The following CDC45 variants were observed in gnomAD, a reference collection of about 807,000 sequenced individuals.
CDC45 encodes the protein cell division control protein 45 homolog.
Under a neutral mutation model 77.8 loss-of-function variants are expected in CDC45, and 54 were observed. That is an observed-to-expected ratio of 0.69 (90% CI 0.56 to 0.87). The LOEUF (loss-of-function observed/expected upper bound fraction) is 0.87. CDC45 is among the 40% of genes least tolerant of loss of function. CDC45 has a pLI of 0.00. For missense variants in CDC45, 649 were observed against 721.6 expected (o/e 0.90, Z 1.15); for synonymous variants, 260 against 272.1 (o/e 0.96, Z 0.44).
upstream of CDC45, chr22:19,479,673 G>A (rs981466541): frequency 4.4e-6 from 3 of 685,728 alleles, no homozygotes; most frequent in African/African-American, 5.3e-5. Flanking sequence ...TGTCCGCCCA[G>A]CGTCGCTTTT....
At position 19,483,967 on chromosome 22, in the gene CDC45, G is replaced by T; in HGVS notation, c.448G>T (p.Gly150Trp). 2 of 1,612,772 alleles carry T rather than the reference G, an allele frequency of 1.2e-6. No homozygotes were observed. The highest frequency in any genetic ancestry group is 1.7e-6 in the Non-Finnish European group (2 of 1,179,752). ...DEEHSGNDSD[G>W]SEPSEKRTRL... ...AGAGCATTCAGGAAATGACAGTGAT[G>T]GGTCAGAGCCTTCTGAGAAGCGCAC... Residue 150 changes from glycine (G) to tryptophan (W), a missense_variant, in exon 5 of 19, where the codon GGG becomes TGG. Coordinates refer to ENST00000263201, the MANE Select transcript of CDC45 (RefSeq NM_003504.5).
chr22:19,480,245 G>A, intron 2 of CDC45, 28 bp downstream of exon 2: 1 of 1,608,400 alleles, frequency 6.2e-7, no homozygotes, highest in Admixed American at 1.7e-5. Context: ...TAGGAGGGCG[G>A]GGCCGGCGCG....
At chr22:19,496,119 C>A in intron 7 of CDC45, 90 bp downstream of exon 7, 1 of 914,256 alleles carries the variant, frequency 1.1e-6, no homozygotes, top group Non-Finnish European at 1.8e-6. Context: ...ATTTTAGAGC[C>A]ACAAAAGCCT....
intron 13 of CDC45, among the ~76,000 whole-genome samples, chr22:19,513,016 A>G (rs2146433063): frequency 6.6e-6 from 1 of 152,274 alleles, no homozygotes; most frequent in South Asian, 2.1e-4. Context: ...TCTTTTTAAC[A>G]ACCGTCACGG....
chr22:19,503,632 C>A (rs1463785935), intron 9 of CDC45, among the ~76,000 whole-genome samples: 3 of 152,204 alleles, frequency 2.0e-5, no homozygotes, highest in Non-Finnish European at 4.4e-5. Flanking sequence ...AAACAAAAGG[C>A]CTTCCGAAAT....
At chr22:19,511,153 C>T (rs1024098483) in intron 13 of CDC45, among the ~76,000 whole-genome samples, 22 of 152,112 alleles carry the variant, frequency 1.4e-4, no homozygotes, top group Admixed American at 5.9e-4. Flanking sequence ...ACATCCTCAC[C>T]GACACTTGTT....
At chr22:19,497,910 G>T (rs1284323772) in intron 8 of CDC45, among the ~76,000 whole-genome samples, 1 of 151,932 alleles carries the variant, frequency 6.6e-6, no homozygotes, top group Non-Finnish European at 1.5e-5. Context: ...AAAAAAAATT[G>T]TCTGGGCATG....
At chr22:19,494,298 A>T in intron 5 of CDC45, 29 bp from the exon 6 acceptor site, 4 of 1,607,784 alleles carry the variant, frequency 2.5e-6, no homozygotes, top group Non-Finnish European at 3.4e-6. Context: ...CATTTGCTCC[A>T]CCTTTTGTTC....
At position 19,480,945 on chromosome 22, in the gene CDC45, C is replaced by G; in HGVS notation, c.112-8C>G. On this transcript the variant is annotated splice_region_variant and splice_polypyrimidine_tract_variant and intron_variant, in intron 2 of 18. Coordinates refer to ENST00000263201, the MANE Select transcript of CDC45 (RefSeq NM_003504.5). ...ATAAGATAGGCTTTGAAAACACTCT[C>G]TCTCCAGGCCTTGTTCCAGTGTGAC... The G allele has an allele frequency of 6.3e-7, 1 of 1,592,522 alleles. No homozygotes were observed. Among genetic ancestry groups the G allele is most frequent in the Non-Finnish European group, 8.6e-7 (1 of 1,164,610 alleles).
chr22:19,501,094 C>T (rs1016713264), intron 9 of CDC45, among the ~76,000 whole-genome samples: 4 of 152,138 alleles, frequency 2.6e-5, no homozygotes, highest in African/African-American at 7.2e-5. Context: ...ACAGAGGAAT[C>T]GCTTGAACCC....
At chr22:19,499,187 C>G (rs752578323) in intron 9 of CDC45, 36 bp downstream of exon 9, 1 of 1,610,572 alleles carries the variant, frequency 6.2e-7, no homozygotes, top group African/African-American at 1.3e-5. Context: ...AGGGTCAGCC[C>G]TGTGCTGTGG....
rs1358675864 is a variant in CDC45 at position 19,516,841 on chromosome 22, G to A, written c.1584G>A (p.Lys528=). The A allele has an allele frequency of 1.2e-6, 2 of 1,614,012 alleles. No individual in the cohort carries two copies. Among genetic ancestry groups the A allele is most frequent in the African/African-American group, 1.3e-5 (1 of 74,900 alleles). The part of the protein sequence containing the change: ...RKNFFGRAFE[K]AAESTSSRML... ...GCTTTTTTGGGAGGGCGTTTGAGAA[G>A]GCAGCGGAAAGCACCAGCTCCCGGA... The change falls in exon 17 of 19, where the codon AAG becomes AAA. Residue 528 remains lysine (K), a synonymous_variant. Coordinates refer to ENST00000263201, the MANE Select transcript of CDC45 (RefSeq NM_003504.5).
At chr22:19,509,832 G>A (rs947115637) in intron 13 of CDC45, among the ~76,000 whole-genome samples, 5 of 152,176 alleles carry the variant, frequency 3.3e-5, no homozygotes, top group African/African-American at 1.2e-4. Context: ...GTATATATGG[G>A]GGCCTGCTTT....
intron 18 of CDC45, 106 bp downstream of exon 18, chr22:19,519,015 G>C: frequency 1.2e-6 from 1 of 860,534 alleles, no homozygotes. Context: ...TTGGGTTTCA[G>C]ACCGAAGCAG....
intron 8 of CDC45, 64 bp from the exon 9 acceptor site, chr22:19,499,037 T>TC: frequency 6.5e-7 from 1 of 1,531,736 alleles, no homozygotes; most frequent in Admixed American, 1.7e-5. Flanking sequence ...TCTCACTCCA[T>TC]CCCCCAGGCC....
At chr22:19,500,329 C>T (rs944703589) in intron 9 of CDC45, among the ~76,000 whole-genome samples, 1 of 152,070 alleles carries the variant, frequency 6.6e-6, no homozygotes, top group African/African-American at 2.4e-5. Flanking sequence ...ATAAACTTTA[C>T]AAAATTAATG....
intron 9 of CDC45, among the ~76,000 whole-genome samples, chr22:19,501,628 T>G (rs192218214): frequency 2.0e-5 from 3 of 152,280 alleles, no homozygotes; most frequent in East Asian, 3.9e-4. Context: ...TTCATACAAT[T>G]TACATTTCAT....
intron 18 of CDC45, among the ~76,000 whole-genome samples, chr22:19,519,675 G>A (rs903406782): frequency 6.6e-6 from 1 of 152,236 alleles, no homozygotes; most frequent in Non-Finnish European, 1.5e-5. Flanking sequence ...CAGGCCTGGG[G>A]TCCTCCCCAC....
At chr22:19,515,882 C>T (rs939824252) in intron 15 of CDC45, among the ~76,000 whole-genome samples, 16 of 152,224 alleles carry the variant, frequency 1.1e-4, no homozygotes, top group African/African-American at 3.9e-4. Context: ...ATGTATTGAA[C>T]ATCCACCACC....
Sources: allele counts gnomAD v4.1 joint callset (sites outside exome capture counted in the v4.1 genomes callset), GRCh38; gene constraint gnomAD v4.1.1; transcripts MANE v1.5; gene names NCBI Gene and HGNC (gene_info 2026-07-23, HGNC 2026-07-21).